Variants in BAZ1A observed in about 807,000 individuals in gnomAD.
BAZ1A encodes the protein bromodomain adjacent to zinc finger domain 1A.
BAZ1A carries 50 observed loss-of-function variants against 185.2 expected under a neutral mutation model. That is an observed-to-expected ratio of 0.27 (90% CI 0.22 to 0.34). The LOEUF (loss-of-function observed/expected upper bound fraction) is 0.34, where lower values mean the gene tolerates loss of function less well. Among genes scored for constraint, BAZ1A ranks in the 10% least tolerant of loss-of-function variants. The pLI is 1.00. For synonymous variants in BAZ1A, 571 were observed against 615.6 expected, an observed-to-expected ratio of 0.93 and a Z score of 1.07; for missense variants, 1,356 against 1,839.9, an observed-to-expected ratio of 0.74 and a Z score of 4.81.
intron 3 of BAZ1A, among the ~76,000 whole-genome samples, chr14:34,832,979 A>T (rs1359428466): frequency 6.6e-6 from 1 of 152,228 alleles, no homozygotes; most frequent in Non-Finnish European, 1.5e-5. Context: ...ACATTCAGAC[A>T]TAAAAAGGAA....
chr14:34,764,797 A>G lies in BAZ1A; in HGVS notation c.3686T>C (p.Val1229Ala). Residue 1229 changes from valine to alanine, a missense_variant, in exon 23 of 27, where the codon GTT (valine) becomes GCT (alanine). Physicochemically the swap from Val to Ala is moderately conservative, Grantham distance 64. Coordinates refer to ENST00000360310, the MANE Select transcript of BAZ1A (RefSeq NM_013448.3). The part of the protein sequence containing the change: ...EDSMGGEDDE[V>A]DGDEEEGQSE... ...TTGACCTTCTTCTTCATCGCCATCA[A>G]CTTCATCATCCTCACCTCCCATACT... The G allele has an allele frequency of 5.0e-6, 8 of 1,612,694 alleles. No homozygotes were observed. The highest frequency in any genetic ancestry group is 5.9e-6 in the Non-Finnish European group (7 of 1,178,824).
rs148710237 is a variant in BAZ1A at position 34,829,488 on chromosome 14, C to T, written c.393-3332G>A. On this transcript the variant is annotated intron_variant, in intron 3 of 26. Coordinates refer to ENST00000360310, the MANE Select transcript of BAZ1A (RefSeq NM_013448.3). ...TCCTATCAATTTATAATCTGCTCTT[C>T]AATGTATCCTCTTCTCTCAGGACTT... 4.4e-4 allele frequency among the ~76,000 whole-genome samples: 67 copies of T among 152,214 alleles called. No individual in the cohort carries two copies. In the East Asian group the frequency reaches 0.013, roughly 29 times the overall value.
intron 3 of BAZ1A, among the ~76,000 whole-genome samples, chr14:34,846,067 T>G (rs1192535350): frequency 1.3e-5 from 2 of 152,160 alleles, no homozygotes; most frequent in Admixed American, 6.6e-5. Flanking sequence ...GTCTCACCTC[T>G]TTCATGTGAT....
intron 4 of BAZ1A, among the ~76,000 whole-genome samples, chr14:34,824,185 CTG>C (rs1391428089): frequency 7.1e-6 from 1 of 141,462 alleles, no homozygotes; most frequent in Non-Finnish European, 1.5e-5. Flanking sequence ...TATAGCAAGA[CTG>C]TGTCTCTACT....
intron 3 of BAZ1A, among the ~76,000 whole-genome samples, chr14:34,835,211 G>A (rs1016506960): frequency 5.9e-5 from 9 of 151,776 alleles, no homozygotes; most frequent in African/African-American, 1.7e-4. Context: ...ACAGGCACGC[G>A]CCACCATGCC....
intron 3 of BAZ1A, among the ~76,000 whole-genome samples, chr14:34,846,689 TA>T (rs2042517485): frequency 6.6e-6 from 1 of 152,172 alleles, no homozygotes; most frequent in South Asian, 2.1e-4. Flanking sequence ...CTATTATGCA[TA>T]AGGGTTCTAA....
chr14:34,837,201 T>C (rs1233344380), intron 3 of BAZ1A, among the ~76,000 whole-genome samples: 4 of 151,844 alleles, frequency 2.6e-5, no homozygotes, highest in Non-Finnish European at 1.5e-5. Flanking sequence ...AGATTCTTAC[T>C]GAAGACTAAA....
chr14:34,830,238 C>T (rs2042221325), intron 3 of BAZ1A, among the ~76,000 whole-genome samples: 1 of 151,578 alleles, frequency 6.6e-6, no homozygotes, highest in East Asian at 1.9e-4. Context: ...ATAAACAATC[C>T]AAATATCCAT....
At chr14:34,769,488 G>A (rs183803019) in intron 21 of BAZ1A, among the ~76,000 whole-genome samples, 15 of 152,242 alleles carry the variant, frequency 9.9e-5, no homozygotes, top group Non-Finnish European at 4.4e-5. Flanking sequence ...ATAAGGAACA[G>A]TGTCTCTCAT....
chr14:34,848,618 T>G (rs1262822895), intron 3 of BAZ1A, among the ~76,000 whole-genome samples: 3 of 152,084 alleles, frequency 2.0e-5, no homozygotes, highest in Non-Finnish European at 4.4e-5. Flanking sequence ...ATTATATAAT[T>G]TTCATTTTAC....
At chr14:34,759,184 T>TTTTTTTTTTTTTTG (rs1555336966) in intron 24 of BAZ1A, among the ~76,000 whole-genome samples, 1,776 of 107,986 alleles carry the variant, frequency 0.016, 193 homozygotes, top group East Asian at 0.038. Flanking sequence ...TTTTTTTTTT[T>TTTTTTTTTTTTTTG]TTTTTTTTTT....
At chr14:34,774,839 G>A (rs557103529) in intron 18 of BAZ1A, among the ~76,000 whole-genome samples, 12 of 152,052 alleles carry the variant, frequency 7.9e-5, no homozygotes, top group Non-Finnish European at 1.0e-4. Context: ...ACAATAAAAA[G>A]ACAACCCAAT....
chr14:34,819,596 T>C (rs985859401), intron 4 of BAZ1A, among the ~76,000 whole-genome samples: 1 of 152,234 alleles, frequency 6.6e-6, no homozygotes, highest in African/African-American at 2.4e-5. Flanking sequence ...TGTTTTTTCA[T>C]GGTTTAATAT....
At position 34,764,920 on chromosome 14, in the gene BAZ1A, CCTT is replaced by C; in HGVS notation, c.3560_3562del (p.Glu1187del). The C allele has an allele frequency of 6.2e-7, 1 of 1,614,120 alleles. No individual in the cohort carries two copies. The highest frequency in any genetic ancestry group is 8.5e-7 in the Non-Finnish European group (1 of 1,180,006). On this transcript the variant is annotated inframe_deletion, in exon 23 of 27. Coordinates refer to ENST00000360310, the MANE Select transcript of BAZ1A (RefSeq NM_013448.3). ...TCGACATTCTGGACAAAACCAGTCT[CCTT>C]CAGGCACAGTCTGAAAAAATCACAT... is the stretch of plus-strand genomic sequence containing the variant.
intron 23 of BAZ1A, among the ~76,000 whole-genome samples, chr14:34,763,771 T>C (rs974961176): frequency 3.3e-5 from 5 of 152,198 alleles, no homozygotes; most frequent in African/African-American, 1.2e-4. Flanking sequence ...GATATAGAAA[T>C]GCACTTTTTT....
chr14:34,849,975 T>A (rs2042572390), intron 3 of BAZ1A, among the ~76,000 whole-genome samples: 1 of 152,210 alleles, frequency 6.6e-6, no homozygotes, highest in Non-Finnish European at 1.5e-5. Flanking sequence ...TTTGAGTGTC[T>A]ACACAGAAAA....
intron 4 of BAZ1A, among the ~76,000 whole-genome samples, chr14:34,820,122 G>GTTTTTTTT (rs59706713): frequency 1.1e-4 from 9 of 80,644 alleles, no homozygotes; most frequent in African/African-American, 2.0e-4. Context: ...TGGGTTCCTC[G>GTTTTTTTT]TTTTTTTTTT....
chr14:34,774,217 G>T, intron 19 of BAZ1A, 110 bp downstream of exon 19: 1 of 765,172 alleles, frequency 1.3e-6, no homozygotes. Flanking sequence ...ATCATTCTCT[G>T]GTGTTTATTC....
At chr14:34,825,222 G>C (rs2042148885) in intron 4 of BAZ1A, among the ~76,000 whole-genome samples, 1 of 152,260 alleles carries the variant, frequency 6.6e-6, no homozygotes, top group South Asian at 2.1e-4. Flanking sequence ...GGGAGGCCAA[G>C]GTAGGTCAAT....
Sources: allele counts gnomAD v4.1 joint callset (sites outside exome capture counted in the v4.1 genomes callset), GRCh38; gene constraint gnomAD v4.1.1; transcripts MANE v1.5; gene names NCBI Gene and HGNC (gene_info 2026-07-23, HGNC 2026-07-21).